CRYL1: variants seen among roughly 807,000 people sequenced by gnomAD.
CRYL1 encodes crystallin lambda 1.
Under a neutral mutation model 36.6 loss-of-function variants are expected in CRYL1, and 29 were observed. That is an observed-to-expected ratio of 0.79 (90% CI 0.59 to 1.08). The LOEUF (loss-of-function observed/expected upper bound fraction) is 1.08. CRYL1 is among the 50% of genes least tolerant of loss of function. The probability of loss-of-function intolerance (pLI) is 0.00; values close to 1 mark genes in which losing one functional copy is unlikely to be tolerated. For missense variants in CRYL1, 411 were observed against 407.9 expected (o/e 1.01, Z -0.06); for synonymous variants, 152 against 151.5 (o/e 1.00, Z -0.02).
At chr13:20,476,279 C>T (rs935640454) in intron 3 of CRYL1, among the ~76,000 whole-genome samples, 3 of 150,678 alleles carry the variant, frequency 2.0e-5, no homozygotes, top group South Asian at 2.1e-4. Flanking sequence ...CACTGGAACC[C>T]GGGAGGCAGA....
intron 2 of CRYL1, among the ~76,000 whole-genome samples, chr13:20,495,774 T>C (rs1421017365): frequency 6.6e-6 from 1 of 152,200 alleles, no homozygotes; most frequent in Non-Finnish European, 1.5e-5. Context: ...AAAACATGGT[T>C]TCACACCTAC....
intron 5 of CRYL1, chr13:20,426,696 C>G (rs2031941384): frequency 1.0e-6 from 1 of 985,360 alleles, no homozygotes. Context: ...ACAAAAAAGC[C>G]TCATCTGTCA....
chr13:20,504,619 C>A (rs547271742), intron 2 of CRYL1, among the ~76,000 whole-genome samples: 1 of 152,306 alleles, frequency 6.6e-6, no homozygotes, highest in Admixed American at 6.5e-5. Context: ...CTCTAAACTT[C>A]TTACTTGAGA....
Position 20,435,356 on chromosome 13 carries a change from G to A in CRYL1, c.439-3060C>T, listed in dbSNP as rs1452481873. On this transcript the variant is annotated intron_variant, in intron 4 of 7. Coordinates refer to ENST00000298248, the MANE Select transcript of CRYL1 (RefSeq NM_015974.3). The surrounding 1 kb of genome is among the most constrained non-coding windows in gnomAD (Gnocchi z 4.0). Reference sequence around the variant, plus strand: ...ACGGCTGACTAGGACGCAGGGGCCAGCGACTGGGCCCCACGCAGCCCCCCA... The same window carrying A: ...ACGGCTGACTAGGACGCAGGGGCCAACGACTGGGCCCCACGCAGCCCCCCA... Among the ~76,000 whole-genome samples, 1 of 152,178 alleles carries A rather than the reference G, an allele frequency of 6.6e-6. No homozygotes were observed. The highest frequency in any genetic ancestry group is 1.5e-5 in the Non-Finnish European group (1 of 68,020).
At chr13:20,442,183 C>G (rs1333246258) in intron 3 of CRYL1, among the ~76,000 whole-genome samples, 4 of 152,188 alleles carry the variant, frequency 2.6e-5, no homozygotes, top group African/African-American at 9.7e-5. Context: ...TGCAGATTCT[C>G]CCTTGAAATT....
At chr13:20,507,712 A>G (rs1219939056) in intron 2 of CRYL1, among the ~76,000 whole-genome samples, 3 of 151,642 alleles carry the variant, frequency 2.0e-5, no homozygotes, top group Non-Finnish European at 4.4e-5. Flanking sequence ...AGGTCAGGAG[A>G]TCGAGACCAT....
At chr13:20,469,394 A>G (rs777845894) in intron 3 of CRYL1, among the ~76,000 whole-genome samples, 16 of 152,346 alleles carry the variant, frequency 1.1e-4, no homozygotes, top group Admixed American at 2.0e-4. Flanking sequence ...TAGGATTTTA[A>G]AAGCTACCAG....
At chr13:20,507,726 G>C (rs1157542118) in intron 2 of CRYL1, among the ~76,000 whole-genome samples, 1 of 151,974 alleles carries the variant, frequency 6.6e-6, no homozygotes, top group South Asian at 2.1e-4. Flanking sequence ...AGACCATCCT[G>C]GCTAACACAG....
chr13:20,408,843 TAA>T (rs1161889224), intron 6 of CRYL1, among the ~76,000 whole-genome samples: 1 of 151,882 alleles, frequency 6.6e-6, no homozygotes, highest in Non-Finnish European at 1.5e-5. Context: ...CTCAAGGAAA[TAA>T]AAGAGGATAC....
intron 6 of CRYL1, among the ~76,000 whole-genome samples, chr13:20,411,486 A>T (rs563560694): frequency 1.5e-4 from 23 of 152,326 alleles, no homozygotes; most frequent in Middle Eastern, 3.4e-3. Flanking sequence ...TTCTCAAGAA[A>T]AAAAAGGGAG....
At chr13:20,505,381 A>AAAAAAAAAAAAAAAAAAG (rs1292225610) in intron 2 of CRYL1, among the ~76,000 whole-genome samples, 1 of 138,840 alleles carries the variant, frequency 7.2e-6, no homozygotes, top group Non-Finnish European at 1.6e-5. Context: ...AAAAAAAAAA[A>AAAAAAAAAAAAAAAAAAG]ATCAGAATAT....
chr13:20,453,573 G>A (rs985037279), intron 3 of CRYL1, among the ~76,000 whole-genome samples: 3 of 151,660 alleles, frequency 2.0e-5, no homozygotes, highest in Non-Finnish European at 2.9e-5. Context: ...ATCTCAAATC[G>A]TTAATCCAAC....
chr13:20,483,888 C>T (rs1465368135), intron 3 of CRYL1, among the ~76,000 whole-genome samples: 1 of 152,178 alleles, frequency 6.6e-6, no homozygotes, highest in Non-Finnish European at 1.5e-5. Context: ...GCGATCTTGG[C>T]TCACTGCAAC....
chr13:20,484,850 A>G (rs1472546242), intron 3 of CRYL1, among the ~76,000 whole-genome samples: 1 of 152,222 alleles, frequency 6.6e-6, no homozygotes, highest in Non-Finnish European at 1.5e-5. Flanking sequence ...TCTTTACAAC[A>G]CAGAGATGTT....
intron 3 of CRYL1, among the ~76,000 whole-genome samples, chr13:20,461,337 T>A (rs1370522060): frequency 6.6e-6 from 1 of 152,264 alleles, no homozygotes; most frequent in Non-Finnish European, 1.5e-5. Context: ...ATGGTTTTTA[T>A]ATCTCACTTT....
At chr13:20,410,952 G>A (rs998753933) in intron 6 of CRYL1, among the ~76,000 whole-genome samples, 3 of 152,214 alleles carry the variant, frequency 2.0e-5, no homozygotes, top group Non-Finnish European at 4.4e-5. Flanking sequence ...GGTGTTGTTT[G>A]TAAAAGGAGC....
At chr13:20,524,956 T>C (rs1195889670) in intron 1 of CRYL1, among the ~76,000 whole-genome samples, 4 of 146,454 alleles carry the variant, frequency 2.7e-5, no homozygotes, top group African/African-American at 1.0e-4. Flanking sequence ...AACATGTTTA[T>C]AGATTGCTGC....
intron 5 of CRYL1, among the ~76,000 whole-genome samples, chr13:20,428,489 AT>A (rs2031982298): frequency 6.6e-6 from 1 of 152,220 alleles, no homozygotes; most frequent in Non-Finnish European, 1.5e-5. Context: ...GCAAAAAAAA[AT>A]TCACAACAAA....
chr13:20,518,167 C>T (rs779009190), intron 1 of CRYL1, among the ~76,000 whole-genome samples: 48 of 151,938 alleles, frequency 3.2e-4, no homozygotes, highest in East Asian at 7.8e-4. Context: ...TGAGGAAATA[C>T]GTAAAGGGCA....
Sources: gnomAD v4.1 joint callset for allele counts (sites outside exome capture counted in the v4.1 genomes callset) on GRCh38, gnomAD v4.1.1 for gene constraint, Gnocchi (gnomAD v3.1) non-coding constraint, MANE v1.5 for transcripts, NCBI Gene and HGNC (gene_info 2026-07-23, HGNC 2026-07-21) for gene names.